The following SPOCK3 variants were observed in gnomAD, a reference collection of about 807,000 sequenced individuals.
SPOCK3 encodes SPARC (osteonectin), cwcv and kazal like domains proteoglycan 3.
Under a neutral mutation model 56.6 loss-of-function variants are expected in SPOCK3, and 30 were observed. The ratio of observed to expected loss-of-function variants is 0.53; its 90% CI spans 0.40 to 0.72. The LOEUF (loss-of-function observed/expected upper bound fraction) is 0.72, where lower values mean the gene tolerates loss of function less well. SPOCK3 is among the 30% of genes least tolerant of loss of function. The pLI, the probability that SPOCK3 is intolerant of heterozygous loss-of-function variation, is 0.00. For synonymous variants in SPOCK3, 196 were observed against 183.3 expected (o/e 1.07, Z -0.56); for missense variants, 527 against 530.0 (o/e 0.99, Z 0.06).
intron 2 of SPOCK3, among the ~76,000 whole-genome samples, chr4:167,116,505 T>C (rs13109608): frequency 6.3e-5 from 7 of 110,754 alleles, no homozygotes; most frequent in African/African-American, 1.3e-4. Context: ...TATATATATA[T>C]ACACAAATAT....
At chr4:167,091,440 T>G (rs1318713862) in intron 2 of SPOCK3, among the ~76,000 whole-genome samples, 1 of 152,154 alleles carries the variant, frequency 6.6e-6, no homozygotes, top group Non-Finnish European at 1.5e-5. Context: ...AAGCTTAATT[T>G]CCTCATTTGC....
chr4:167,187,695 T>A (rs1434996405), intron 2 of SPOCK3, among the ~76,000 whole-genome samples: 1 of 152,136 alleles, frequency 6.6e-6, no homozygotes, highest in Non-Finnish European at 1.5e-5. Flanking sequence ...GAACTTCCAT[T>A]TTTATATATA....
intron 3 of SPOCK3, among the ~76,000 whole-genome samples, chr4:167,030,083 T>TTCTATCTA (rs59694023): frequency 0.081 from 11,512 of 141,330 alleles, 523 homozygotes; most frequent in Admixed American, 0.15. Context: ...TAATGGCTCA[T>TTCTATCTA]TCTATCTATC....
At chr4:166,818,417 G>A (rs1314323177) in intron 6 of SPOCK3, among the ~76,000 whole-genome samples, 9 of 151,986 alleles carry the variant, frequency 5.9e-5, no homozygotes, top group Non-Finnish European at 1.5e-5. Context: ...TAGCATTATA[G>A]TAAAAACATT....
intron 2 of SPOCK3, among the ~76,000 whole-genome samples, chr4:167,077,271 C>A (rs1757278189): frequency 6.7e-6 from 1 of 149,988 alleles, no homozygotes. Flanking sequence ...ATTCTACATA[C>A]ACACACACAC....
intron 2 of SPOCK3, among the ~76,000 whole-genome samples, chr4:167,092,779 A>C (rs1758812888): frequency 6.6e-6 from 1 of 152,160 alleles, no homozygotes; most frequent in Non-Finnish European, 1.5e-5. Context: ...TAATAGAGAA[A>C]ATTTTCCATT....
chr4:167,073,883 C>T (rs1756928774), intron 2 of SPOCK3, among the ~76,000 whole-genome samples: 1 of 151,732 alleles, frequency 6.6e-6, no homozygotes. Flanking sequence ...ACTATTATAT[C>T]CTTTATTATC....
At chr4:167,072,655 C>T (rs1756791763) in intron 2 of SPOCK3, among the ~76,000 whole-genome samples, 1 of 151,968 alleles carries the variant, frequency 6.6e-6, no homozygotes, top group Non-Finnish European at 1.5e-5. Context: ...CTTAATGTCT[C>T]CAAATTTTCT....
intron 2 of SPOCK3, among the ~76,000 whole-genome samples, chr4:167,090,835 C>T (rs1247447545): frequency 6.6e-6 from 1 of 151,922 alleles, no homozygotes; most frequent in African/African-American, 2.4e-5. Context: ...TTTTACTAAC[C>T]TGTTTTTTTT....
In SPOCK3 at chr4:166,861,494, C is replaced by T. The variant is rs115709167; in HGVS notation, c.589+27636G>A. ...GCACTTCTTAAAAATGGCAAAATAACCCATTTCAGTAGATGTTTAAATATA... is the reference window on the plus strand; with the variant it reads ...GCACTTCTTAAAAATGGCAAAATAATCCATTTCAGTAGATGTTTAAATATA... On this transcript the variant is annotated intron_variant, in intron 6 of 10. Coordinates refer to ENST00000357545, the MANE Select transcript of SPOCK3 (RefSeq NM_001040159.2). Among the ~76,000 whole-genome samples, 708 of 152,220 alleles carry T rather than the reference C, an allele frequency of 4.7e-3. 3 individuals carry two copies. The highest frequency in any genetic ancestry group is 0.016 in the African/African-American group (678 of 41,552).
At chr4:166,778,925 A>G (rs1739867137) in intron 7 of SPOCK3, among the ~76,000 whole-genome samples, 1 of 152,102 alleles carries the variant, frequency 6.6e-6, no homozygotes, top group African/African-American at 2.4e-5. Context: ...AGCCTGGAGA[A>G]TCAGAAAGTT....
At chr4:167,149,701 G>T (rs1764252252) in intron 2 of SPOCK3, among the ~76,000 whole-genome samples, 1 of 151,866 alleles carries the variant, frequency 6.6e-6, no homozygotes, top group South Asian at 2.1e-4. Flanking sequence ...GAGTCTTAAG[G>T]TCTATATATC....
intron 2 of SPOCK3, among the ~76,000 whole-genome samples, chr4:167,196,941 A>G (rs1368136174): frequency 1.3e-5 from 2 of 152,126 alleles, no homozygotes; most frequent in Non-Finnish European, 2.9e-5. Context: ...GCCATATAAC[A>G]TTATCTTTGC....
intron 6 of SPOCK3, among the ~76,000 whole-genome samples, chr4:166,855,423 AAC>A (rs2126887254): frequency 6.6e-6 from 1 of 152,342 alleles, no homozygotes; most frequent in East Asian, 1.9e-4. Context: ...CTTTATTGGT[AAC>A]ACAGGGTTAG....
chr4:167,032,821 T>C (rs1376198092), intron 3 of SPOCK3, among the ~76,000 whole-genome samples: 2 of 151,960 alleles, frequency 1.3e-5, no homozygotes, highest in African/African-American at 4.8e-5. Context: ...CATTTCTAAT[T>C]AGGTTCTGAA....
chr4:167,009,387 A>G (rs1452273667), intron 3 of SPOCK3, among the ~76,000 whole-genome samples: 2 of 152,192 alleles, frequency 1.3e-5, no homozygotes, highest in African/African-American at 4.8e-5. Context: ...TTGCAAGTGT[A>G]TCCAGACACT....
intron 6 of SPOCK3, among the ~76,000 whole-genome samples, chr4:166,804,007 G>T (rs889102920): frequency 6.6e-6 from 1 of 152,110 alleles, no homozygotes; most frequent in Non-Finnish European, 1.5e-5. Flanking sequence ...AAGAAAGAAG[G>T]GTTCACTAGC....
chr4:166,736,536 A>G (rs924589446), intron 10 of SPOCK3, among the ~76,000 whole-genome samples: 7 of 152,274 alleles, frequency 4.6e-5, no homozygotes, highest in Non-Finnish European at 8.8e-5. Context: ...TAAAGTTTAA[A>G]TGAGATTACT....
chr4:167,127,049 C>A (rs1220240083), intron 2 of SPOCK3, among the ~76,000 whole-genome samples: 1 of 152,032 alleles, frequency 6.6e-6, no homozygotes, highest in Admixed American at 6.5e-5. Flanking sequence ...TATGGACCAG[C>A]AATAGAATAG....
Sources: gnomAD v4.1 joint callset for allele counts (sites outside exome capture counted in the v4.1 genomes callset) on GRCh38, gnomAD v4.1.1 for gene constraint, MANE v1.5 for transcripts, NCBI Gene and HGNC (gene_info 2026-07-23, HGNC 2026-07-21) for gene names.